ADRA2B: variants seen among roughly 807,000 people sequenced by gnomAD.
The protein encoded by ADRA2B is adrenoceptor alpha 2B.
Under a neutral mutation model 14.4 loss-of-function variants are expected in ADRA2B, and 14 were observed. The observed-to-expected ratio is 0.97, with a 90% CI of 0.64 to 1.52. The LOEUF is 1.52. ADRA2B is among the 40% of genes most tolerant of loss of function. ADRA2B has a pLI of 0.00. For synonymous variants in ADRA2B, 250 were observed against 263.7 expected, an observed-to-expected ratio of 0.95 and a Z score of 0.50; for missense variants, 606 against 603.2, an observed-to-expected ratio of 1.00 and a Z score of -0.05.
rs757853154 is a variant in ADRA2B, at chr2:96,115,071, C to T, written c.1079G>A (p.Arg360Gln). The T allele has an allele frequency of 3.2e-5, 51 of 1,613,288 alleles. No individual in the cohort carries two copies. In the South Asian group the frequency reaches 3.5e-4, roughly 11 times the overall value. The change falls in exon 1 of 1, where the codon CGG becomes CAG. Residue 360 changes from arginine (R) to glutamine (Q), a missense_variant. Arg to Gln is a conservative substitution (Grantham distance 43). Transcript: ENST00000620793. ...GCGCTTCTCCCGGGTCAGCTGCGCC[C>T]GTCGACGCCACCACTGCCCACCTAT... is the stretch of plus-strand genomic sequence containing the variant. The part of the protein sequence containing the change: ...GAIGGQWWRR[R>Q]AQLTREKRFT...
Position 96,115,876 on chromosome 2 carries a change from C to T in ADRA2B, c.274G>A (p.Asp92Asn), listed in dbSNP as rs1397681630. 3 of 1,613,316 alleles carry T rather than the reference C, an allele frequency of 1.9e-6. No homozygotes were observed. Among genetic ancestry groups the T allele is most frequent in the Middle Eastern group, 1.7e-4 (1 of 6,060 alleles). Residue 92 changes from aspartate to asparagine, a missense_variant, in exon 1 of 1, where the codon GAC becomes AAC. By Grantham distance (23) the Asp-to-Asn change is conservative (BLOSUM62 1). Transcript: ENST00000620793. ...ATGGACGAGGTGCAGAAGAGCACGT[C>T]GAGCGCCAGGTACACCTCGCACCAC... ...RTWCEVYLAL[D>N]VLFCTSSIVH...
In ADRA2B at chr2:96,114,513, T is replaced by C. The variant is rs949275616; in HGVS notation, c.*284A>G. 6 of 1,267,104 alleles carry C rather than the reference T, an allele frequency of 4.7e-6. No homozygotes were observed. The highest frequency in any genetic ancestry group is 6.0e-6 in the Non-Finnish European group (6 of 1,001,808). The allele number at this position is 1,267,104 out of a possible 1,614,324, so 78.5% of individuals were successfully genotyped here. A position where few individuals can be genotyped will look rare whatever the true frequency, so the allele number is the denominator to read the frequency against. ...GGGAAGAAAGTGCTCTCTCTTCTCC[T>C]GGTCTTGGCTATGTTCCAGAGGATT... is the stretch of plus-strand genomic sequence containing the variant. On this transcript the variant is annotated 3_prime_UTR_variant, in exon 1 of 1. Transcript: ENST00000620793.
chr2:96,114,467 G>C lies in ADRA2B; in HGVS notation c.*330C>G. On this transcript the variant is annotated 3_prime_UTR_variant, in exon 1 of 1. Coordinates refer to ENST00000620793, the MANE Select transcript of ADRA2B (RefSeq NM_000682.7). The stretch of plus-strand genomic sequence containing the variant: ...TCAAGAAAGGGAAGCCCAGACATTG[G>C]TCTGGAGAGCATGGGGCTCTGGGAA... 1.8e-6 allele frequency: 2 copies of C among 1,120,536 alleles called. No homozygotes were observed. Among genetic ancestry groups the C allele is most frequent in the South Asian group, 6.0e-5 (2 of 33,080 alleles). 69.4% of individuals were successfully genotyped at this position (1,120,536 alleles called of 1,614,324 possible). A position where few individuals can be genotyped will look rare whatever the true frequency, so the allele number is the denominator to read the frequency against.
In ADRA2B at chr2:96,116,034, G is replaced by A. The variant is rs1307026683; in HGVS notation, c.116C>T (p.Thr39Ile). The A allele has an allele frequency of 6.2e-7, 1 of 1,613,406 alleles. No individual in the cohort carries two copies. The highest frequency in any genetic ancestry group is 8.5e-7 in the Non-Finnish European group (1 of 1,179,806). ...CTGAGGGGCGCGCAGCGAGCGGCTG[G>A]TCAACACAGCCAGGATGACCAGAGC... ...GNALVILAVL[T>I]SRSLRAPQNL... Residue 39 changes from threonine to isoleucine, a missense_variant, in exon 1 of 1, where the codon ACC becomes ATC. Coordinates refer to ENST00000620793, the MANE Select transcript of ADRA2B (RefSeq NM_000682.7).
In ADRA2B at chr2:96,114,148, G is replaced by A; in HGVS notation, c.*649C>T. On this transcript the variant is annotated 3_prime_UTR_variant, in exon 1 of 1. Transcript: ENST00000620793. ...GCCACCCACCTACCGGAGGGGTGCTGGGTAAGGAAGCCGATCCATTGTTCT... is the reference window on the plus strand; with the variant it reads ...GCCACCCACCTACCGGAGGGGTGCTAGGTAAGGAAGCCGATCCATTGTTCT... 4 of 985,786 alleles carry A rather than the reference G, an allele frequency of 4.1e-6. No individual in the cohort carries two copies. The highest frequency in any genetic ancestry group is 3.6e-6 in the Non-Finnish European group (3 of 830,016). 61.1% of individuals were successfully genotyped at this position (985,786 alleles called of 1,614,324 possible). A position where few individuals can be genotyped will look rare whatever the true frequency, so the allele number is the denominator to read the frequency against.
Position 96,114,061 on chromosome 2 carries a change from G to A in ADRA2B, c.*736C>T, listed in dbSNP as rs1229400239. ...TTGCAGGGGGTGAATGCCAGTGATC[G>A]GGGATCTCCCGTCGAGGCAGAGACC... On this transcript the variant is annotated 3_prime_UTR_variant, in exon 1 of 1. Coordinates refer to ENST00000620793, the MANE Select transcript of ADRA2B (RefSeq NM_000682.7). 3.0e-6 allele frequency: 3 copies of A among 985,712 alleles called. No individual in the cohort carries two copies. The highest frequency in any genetic ancestry group is 4.7e-5 in the South Asian group (1 of 21,294). 61.1% of individuals were successfully genotyped at this position (985,712 alleles called of 1,614,324 possible). A position where few individuals can be genotyped will look rare whatever the true frequency, so the allele number is the denominator to read the frequency against.
chr2:96,114,234 G>T lies in ADRA2B; in HGVS notation c.*563C>A. 3 of 986,642 alleles carry T rather than the reference G, an allele frequency of 3.0e-6. No individual in the cohort carries two copies. The highest frequency in any genetic ancestry group is 9.4e-5 in the South Asian group (2 of 21,344). 61.1% of individuals were successfully genotyped at this position (986,642 alleles called of 1,614,324 possible). A position where few individuals can be genotyped will look rare whatever the true frequency, so the allele number is the denominator to read the frequency against. On this transcript the variant is annotated 3_prime_UTR_variant, in exon 1 of 1. Coordinates refer to ENST00000620793, the MANE Select transcript of ADRA2B (RefSeq NM_000682.7). ...AAGGGGGAAAGGAGGGCCCAGAGAC[G>T]ATGCCACCCCATAAGCCCCCATCCC...
Position 96,116,329 on chromosome 2 carries a change from C to T in ADRA2B, c.-180G>A. 1.7e-6 allele frequency: 1 copy of T among 597,234 alleles called. No individual in the cohort carries two copies. Among genetic ancestry groups the T allele is most frequent in the South Asian group, 2.0e-5 (1 of 49,772 alleles). The allele number at this position is 597,234 out of a possible 1,614,324, so 37.0% of individuals were successfully genotyped here. ...GGGAACACCCAGGACCAGCAGCCGC[C>T]CTCCTACATCCTCCTCCACCGGTGC... On this transcript the variant is annotated 5_prime_UTR_variant, in exon 1 of 1. Transcript: ENST00000620793.
Position 96,115,597 on chromosome 2 carries a change from A to C in ADRA2B, c.553T>G (p.Cys185Gly), listed in dbSNP as rs1681852868. 2 of 1,613,920 alleles carry C rather than the reference A, an allele frequency of 1.2e-6. No individual in the cohort carries two copies. Among genetic ancestry groups the C allele is most frequent in the Non-Finnish European group, 1.7e-6 (2 of 1,179,892 alleles). The change falls in exon 1 of 1, where the codon TGC becomes GGC. Residue 185 changes from cysteine (C) to glycine (G), a missense_variant. Physicochemically the swap from Cys to Gly is radical, Grantham distance 159. Coordinates refer to ENST00000620793, the MANE Select transcript of ADRA2B (RefSeq NM_000682.7). ...ASSIGSFFAP[C>G]LIMILVYLRI... Reference sequence around the variant, plus strand: ...AGGTAGACAAGGATCATGATGAGGCAAGGAGCAAAGAAAGATCCGATGCTG... The same window carrying C: ...AGGTAGACAAGGATCATGATGAGGCCAGGAGCAAAGAAAGATCCGATGCTG...
rs759162435 is a variant in ADRA2B at position 96,116,093 on chromosome 2, G to T, written c.57C>A (p.Ile19=). The part of the protein sequence containing the change: ...VQATAAIAAA[I]TFLILFTIFG... ...AGATGGTAAAGAGAATGAGGAAGGTGATGGCCGCCGCTATGGCCGCTGTGG... is the reference window on the plus strand; with the variant it reads ...AGATGGTAAAGAGAATGAGGAAGGTTATGGCCGCCGCTATGGCCGCTGTGG... Residue 19 remains isoleucine, a synonymous_variant, in exon 1 of 1, where the codon ATC becomes ATA. Transcript: ENST00000620793. The T allele has an allele frequency of 1.2e-6, 2 of 1,612,032 alleles. No homozygotes were observed. The highest frequency in any genetic ancestry group is 1.7e-5 in the Admixed American group (1 of 59,906).
rs1248061694 is a variant in ADRA2B, at chr2:96,116,545, T to TC, written c.-397dup. On this transcript the variant is annotated 5_prime_UTR_variant, in exon 1 of 1. Transcript: ENST00000620793. ...TTGCGCCCGCTCAGCTCGCAGGCTT[T>TC]CGCCCCAGCCGCGCCTGCAGGGGAG... Among the ~76,000 whole-genome samples the TC allele has an allele frequency of 6.6e-6, 1 of 151,924 alleles. No homozygotes were observed. Among genetic ancestry groups the TC allele is most frequent in the Non-Finnish European group, 1.5e-5 (1 of 67,944 alleles).
chr2:96,115,514 C>G lies in ADRA2B; in HGVS notation c.636G>C (p.Gly212=), dbSNP rs761650263. 2.3e-5 allele frequency: 37 copies of G among 1,613,626 alleles called. No individual in the cohort carries two copies. Among genetic ancestry groups the G allele is most frequent in the Non-Finnish European group, 3.0e-5 (35 of 1,179,814 alleles). ...GCTGCTTGGACTCACCCTGCCCAGG[C>G]CCCCCCTTGGCCCTGGGACCTCTGC... ...SNRRGPRAKG[G]PGQGESKQPR... The change falls in exon 1 of 1, where the codon GGG becomes GGC. Residue 212 remains glycine (G), a synonymous_variant. Transcript: ENST00000620793.
Position 96,114,967 on chromosome 2 carries a change from C to A in ADRA2B, c.1183G>T (p.Ala395Ser), listed in dbSNP as rs1334980784. 1 of 1,613,192 alleles carries A rather than the reference C, an allele frequency of 6.2e-7. No homozygotes were observed. The highest frequency in any genetic ancestry group is 1.3e-5 in the African/African-American group (1 of 74,928). ...FPFFFSYSLG[A>S]ICPKHCKVPH... ...ACCTTGCAGTGCTTCGGGCAGATGG[C>A]TCCCAGGCTGTAGCTGAAGAAGAAG... Residue 395 changes from alanine to serine, a missense_variant, in exon 1 of 1, where the codon GCC becomes TCC. Ala to Ser is a moderately conservative substitution (Grantham distance 99, BLOSUM62 1). Transcript: ENST00000620793.
rs1451536463 is a variant in ADRA2B, at chr2:96,113,112, C to T, written c.*1685G>A. On this transcript the variant is annotated 3_prime_UTR_variant, in exon 1 of 1. Coordinates refer to ENST00000620793, the MANE Select transcript of ADRA2B (RefSeq NM_000682.7). ...CTGAGGACCAAGCTGGGAAGCCTCC[C>T]ACACCCCAGGAAGGACTCTTTTTGG... 2.5e-6 allele frequency: 1 copy of T among 398,476 alleles called. No homozygotes were observed. Among genetic ancestry groups the T allele is most frequent in the Non-Finnish European group, 4.4e-6 (1 of 226,106 alleles). 24.7% of individuals were successfully genotyped at this position (398,476 alleles called of 1,614,324 possible).
In ADRA2B at chr2:96,115,165, G is replaced by A; in HGVS notation, c.985C>T (p.Gln329Ter). The A allele has an allele frequency of 6.3e-7, 1 of 1,577,148 alleles. No individual in the cohort carries two copies. Among genetic ancestry groups the A allele is most frequent in the Non-Finnish European group, 8.6e-7 (1 of 1,162,010 alleles). Reference sequence around the variant, plus strand: ...GCCAGCACCCGGGAGCCCTGTGGCTGCTGCAGCGGGGGGCTGCAAGCTGAG... The same window carrying A: ...GCCAGCACCCGGGAGCCCTGTGGCTACTGCAGCGGGGGGCTGCAAGCTGAG... ...PASACSPPLQ[Q>*]PQGSRVLATL... The change falls in exon 1 of 1, where the codon CAG becomes TAG. Residue 329 changes from glutamine (Q) to a stop codon, truncating the protein, a stop_gained. Coordinates refer to ENST00000620793, the MANE Select transcript of ADRA2B (RefSeq NM_000682.7). LOFTEE classifies it high-confidence loss of function.
At position 96,113,716 on chromosome 2, in the gene ADRA2B, G is replaced by A. The variant is rs756684192; in HGVS notation, c.*1081C>T. Reference sequence around the variant, plus strand: ...CTCTTGGTGTTGCCGGTGAAATGTCGAAACGTTGTCATGTAGCGTAATAAC... The same window carrying A: ...CTCTTGGTGTTGCCGGTGAAATGTCAAAACGTTGTCATGTAGCGTAATAAC... On this transcript the variant is annotated 3_prime_UTR_variant, in exon 1 of 1. Coordinates refer to ENST00000620793, the MANE Select transcript of ADRA2B (RefSeq NM_000682.7). 9 of 218,794 alleles carry A rather than the reference G, an allele frequency of 4.1e-5. No individual in the cohort carries two copies. Among genetic ancestry groups the A allele is most frequent in the Middle Eastern group, 2.4e-3 (1 of 420 alleles). The allele number at this position is 218,794 out of a possible 1,614,324, so 13.6% of individuals were successfully genotyped here. A position where few individuals can be genotyped will look rare whatever the true frequency, so the allele number is the denominator to read the frequency against.
Position 96,114,754 on chromosome 2 carries a change from C to T in ADRA2B, c.*43G>A, listed in dbSNP as rs556484226. ...CAGCAGGGCAAGAAGCAGGGTGACC[C>T]CGGCGCCACCGCACCAACCCCACAG... On this transcript the variant is annotated 3_prime_UTR_variant, in exon 1 of 1. Coordinates refer to ENST00000620793, the MANE Select transcript of ADRA2B (RefSeq NM_000682.7). 3 of 1,567,074 alleles carry T rather than the reference C, an allele frequency of 1.9e-6. No individual in the cohort carries two copies. The highest frequency in any genetic ancestry group is 2.7e-5 in the African/African-American group (2 of 74,230).
rs1442511697 is a variant in ADRA2B at position 96,115,494 on chromosome 2, T to C, written c.656A>G (p.Lys219Arg). Residue 219 changes from lysine (K) to arginine (R), a missense_variant, in exon 1 of 1, where the codon AAG (lysine) becomes AGG (arginine). Transcript: ENST00000620793. ...CCCACCATGGTCGGGTCGGGGCTGC[T>C]TGGACTCACCCTGCCCAGGCCCCCC... ...AKGGPGQGES[K>R]QPRPDHGGAL... The C allele has an allele frequency of 1.2e-6, 2 of 1,613,438 alleles. No homozygotes were observed. Among genetic ancestry groups the C allele is most frequent in the Non-Finnish European group, 8.5e-7 (1 of 1,179,862 alleles).
At position 96,115,946 on chromosome 2, in the gene ADRA2B, G is replaced by A; in HGVS notation, c.204C>T (p.Phe68=). Residue 68 remains phenylalanine, a synonymous_variant, in exon 1 of 1, where the codon TTC becomes TTT. Coordinates refer to ENST00000620793, the MANE Select transcript of ADRA2B (RefSeq NM_000682.7). ...AGCCCAGCAGCTCGTTGGCCAGCGA[G>A]AAAGGGATGATGAGCGTGGCCACCA... is the stretch of plus-strand genomic sequence containing the variant. The part of the protein sequence containing the change: ...DILVATLIIP[F]SLANELLGYW... 1 of 1,613,888 alleles carries A rather than the reference G, an allele frequency of 6.2e-7. No homozygotes were observed. Among genetic ancestry groups the A allele is most frequent in the African/African-American group, 1.3e-5 (1 of 75,064 alleles).
Sources: gnomAD v4.1 joint callset for allele counts (sites outside exome capture counted in the v4.1 genomes callset) on GRCh38, gnomAD v4.1.1 for gene constraint, MANE v1.5 for transcripts, NCBI Gene and HGNC (gene_info 2026-07-23, HGNC 2026-07-21) for gene names.